Variants in SNTG2 observed in about 807,000 individuals in gnomAD.
SNTG2 encodes syntrophin gamma 2, also known as gamma-2-syntrophin.
A neutral mutation model predicts 70.9 loss-of-function variants in SNTG2; 74 were observed. The observed-to-expected ratio is 1.04, with a 90% CI of 0.86 to 1.27. The LOEUF (loss-of-function observed/expected upper bound fraction) is 1.27, where lower values mean the gene tolerates loss of function less well. Ranked by LOEUF, SNTG2 falls within the 50% of genes most tolerant of loss-of-function variation. The pLI, the probability that SNTG2 is intolerant of heterozygous loss-of-function variation, is 0.00. For synonymous variants in SNTG2, 278 were observed against 273.8 expected (o/e 1.02, Z -0.15); for missense variants, 717 against 690.7 (o/e 1.04, Z -0.43).
chr2:1,325,026 A>G (rs1681703019), intron 16 of SNTG2, among the ~76,000 whole-genome samples: 1 of 152,326 alleles, frequency 6.6e-6, no homozygotes, highest in Admixed American at 6.5e-5. Context: ...CTTGTAAGGG[A>G]ACCTTGTAAG....
At chr2:1,286,218 C>G (rs1338602435) in intron 14 of SNTG2, among the ~76,000 whole-genome samples, 2 of 152,144 alleles carry the variant, frequency 1.3e-5, no homozygotes, top group African/African-American at 4.8e-5. Context: ...GCTAGGGGAT[C>G]ACTAGGGGTG....
chr2:1,331,002 C>T (rs1489777496), intron 16 of SNTG2, among the ~76,000 whole-genome samples: 1 of 152,186 alleles, frequency 6.6e-6, no homozygotes, highest in East Asian at 1.9e-4. Flanking sequence ...TTGTGACTTG[C>T]TCCTGTGTGT....
chr2:1,276,662 C>T (rs1679282071), intron 14 of SNTG2, among the ~76,000 whole-genome samples: 2 of 152,212 alleles, frequency 1.3e-5, no homozygotes, highest in Non-Finnish European at 2.9e-5. Flanking sequence ...AACATCCACT[C>T]TACAGGTCAC....
At chr2:1,117,371 C>A (rs1667082995) in intron 4 of SNTG2, among the ~76,000 whole-genome samples, 1 of 152,146 alleles carries the variant, frequency 6.6e-6, no homozygotes, top group African/African-American at 2.4e-5. Context: ...TGCAAAATAT[C>A]ATTTAATTTT....
At chr2:1,102,606 A>G (rs1174864390) in intron 4 of SNTG2, 2 of 152,292 alleles carry the variant, frequency 1.3e-5, no homozygotes, top group Non-Finnish European at 2.9e-5. Flanking sequence ...TGTTGAGTGA[A>G]TGTCAGAAGC....
At chr2:985,772 G>T (rs1010889869) in intron 1 of SNTG2, among the ~76,000 whole-genome samples, 7 of 152,022 alleles carry the variant, frequency 4.6e-5, no homozygotes, top group Non-Finnish European at 5.9e-5. Context: ...ACGCTGGTTG[G>T]CTTTTTATCC....
At chr2:1,217,580 A>T (rs1340325900) in intron 9 of SNTG2, among the ~76,000 whole-genome samples, 1 of 152,240 alleles carries the variant, frequency 6.6e-6, no homozygotes, top group African/African-American at 2.4e-5. Context: ...GTAGGTCGTT[A>T]TGCAGCATCA....
chr2:992,063 C>T (rs926629874), intron 1 of SNTG2, among the ~76,000 whole-genome samples: 3 of 152,062 alleles, frequency 2.0e-5, no homozygotes, highest in Non-Finnish European at 4.4e-5. Context: ...CCAGCATGCA[C>T]CTGCAGCATG....
intron 13 of SNTG2, among the ~76,000 whole-genome samples, chr2:1,261,184 T>C (rs1199481512): frequency 6.6e-6 from 1 of 152,216 alleles, no homozygotes; most frequent in Non-Finnish European, 1.5e-5. Flanking sequence ...AGTCTTAAAA[T>C]AGTGATCTTA....
intron 6 of SNTG2, among the ~76,000 whole-genome samples, chr2:1,143,812 G>A (rs1266303619): frequency 6.6e-6 from 1 of 151,104 alleles, no homozygotes; most frequent in African/African-American, 2.4e-5. Flanking sequence ...GGCAGAGGCT[G>A]CAGTGAGCAG....
chr2:1,305,752 C>A (rs751327540), intron 14 of SNTG2, among the ~76,000 whole-genome samples: 30 of 152,140 alleles, frequency 2.0e-4, no homozygotes, highest in Non-Finnish European at 3.8e-4. Context: ...GCCAGAGGTT[C>A]CTTAGATGAA....
In SNTG2 at chr2:1,199,210, T is replaced by C. The variant is rs1257629424; in HGVS notation, c.592-9893T>C. On this transcript the variant is annotated intron_variant, in intron 8 of 16. Transcript: ENST00000308624. ...CATCAAGCAAGATTCATCCCAGAGA[T>C]GGAAGGACAGTTAAATATATGCAAA... Among the ~76,000 whole-genome samples, 3 of 100,060 alleles carry C rather than the reference T, an allele frequency of 3.0e-5. No individual in the cohort carries two copies. The South Asian group carries it at 1.0e-3, about 34-fold the overall frequency. 65.6% of individuals were successfully genotyped at this position (100,060 alleles called of 152,430 possible).
At chr2:1,284,028 T>C (rs1241303370) in intron 14 of SNTG2, among the ~76,000 whole-genome samples, 1 of 152,180 alleles carries the variant, frequency 6.6e-6, no homozygotes, top group Non-Finnish European at 1.5e-5. Context: ...CCTGCCGTTG[T>C]GAAGAATGAT....
At chr2:1,351,845 C>T (rs1257277539) in intron 16 of SNTG2, among the ~76,000 whole-genome samples, 6 of 152,184 alleles carry the variant, frequency 3.9e-5, no homozygotes, top group East Asian at 3.9e-4. Context: ...TGCCAGCCCA[C>T]GAGGCGCTTT....
chr2:1,209,373 G>A, intron 9 of SNTG2, 143 bp downstream of exon 9: 2 of 1,030,586 alleles, frequency 1.9e-6, no homozygotes, highest in Non-Finnish European at 1.4e-6. Context: ...TTAGCATTTG[G>A]AATAAACAAG....
intron 4 of SNTG2, among the ~76,000 whole-genome samples, chr2:1,121,441 T>A (rs1338377638): frequency 1.3e-5 from 2 of 151,570 alleles, no homozygotes; most frequent in Non-Finnish European, 2.9e-5. Flanking sequence ...ATAAAAAGAA[T>A]TAGTAAAACT....
chr2:1,023,288 CCTT>C (rs1660299190), intron 1 of SNTG2, among the ~76,000 whole-genome samples: 5 of 152,094 alleles, frequency 3.3e-5, no homozygotes, highest in Admixed American at 1.3e-4. Context: ...TGGGCCATCT[CCTT>C]CTCTTGGCAG....
Position 1,165,652 on chromosome 2 carries a change from G to T in SNTG2, c.499+17G>T, listed in dbSNP as rs749670559. The T allele has an allele frequency of 8.1e-6, 13 of 1,598,072 alleles. No individual in the cohort carries two copies. The highest frequency in any genetic ancestry group is 1.1e-5 in the Non-Finnish European group (13 of 1,169,438). ...TCCCGTTAGGTAAGTGGGAAGAGGA[G>T]AAATGCCAGGGTGCTGGAGAAATTC... On this transcript the variant is annotated intron_variant, in intron 7 of 16. Transcript: ENST00000308624.
In SNTG2 at chr2:1,260,789, G is replaced by A. The variant is rs868459228; in HGVS notation, c.1077+1348G>A. On this transcript the variant is annotated intron_variant, in intron 13 of 16. Transcript: ENST00000308624. ...CCATCACATTTCCACAGAAGAATTCGTAGAAGAATTCTTGGCCTTTTTGTT... is the reference window on the plus strand; with the variant it reads ...CCATCACATTTCCACAGAAGAATTCATAGAAGAATTCTTGGCCTTTTTGTT... Among the ~76,000 whole-genome samples, 8 of 152,154 alleles carry A rather than the reference G, an allele frequency of 5.3e-5. No individual in the cohort carries two copies. The South Asian group carries it at 6.2e-4, about 12-fold the overall frequency.
Sources: gnomAD v4.1 joint callset for allele counts (sites outside exome capture counted in the v4.1 genomes callset) on GRCh38, gnomAD v4.1.1 for gene constraint, MANE v1.5 for transcripts, NCBI Gene and HGNC (gene_info 2026-07-23, HGNC 2026-07-21) for gene names.